The following RIMS2 variants were observed in gnomAD, a reference collection of about 807,000 sequenced individuals.
RIMS2 encodes regulating synaptic membrane exocytosis 2, also known as regulating synaptic membrane exocytosis protein 2.
RIMS2 carries 59 observed loss-of-function variants against 174.4 expected under a neutral mutation model. That is an observed-to-expected ratio of 0.34 (90% CI 0.27 to 0.42). RIMS2 has a LOEUF of 0.42. Among genes scored for constraint, RIMS2 ranks in the 10% least tolerant of loss-of-function variants. The pLI is 1.00. For missense variants in RIMS2, 1,620 were observed against 1,666.3 expected (o/e 0.97, Z 0.48); for synonymous variants, 606 against 572.5 (o/e 1.06, Z -0.84).
rs1825456414 is a variant in RIMS2, at chr8:103,509,576, T to G, written c.176+8514T>G. ...GAAGTTGGTGAAGATTCTGTGCATCTTTATATTAGCTTACTGAATTATTGC... is the reference window on the plus strand; with the variant it reads ...GAAGTTGGTGAAGATTCTGTGCATCGTTATATTAGCTTACTGAATTATTGC... On this transcript the variant is annotated intron_variant, in intron 1 of 23. Coordinates refer to ENST00000504942, the Ensembl canonical transcript of RIMS2. 2.6e-5 allele frequency among the ~76,000 whole-genome samples: 4 copies of G among 152,140 alleles called. 1 individual carries two copies. The South Asian group carries it at 8.3e-4, about 31-fold the overall frequency.
At chr8:103,967,346 A>G (rs2092167746) in intron 15 of RIMS2, among the ~76,000 whole-genome samples, 4 of 150,862 alleles carry the variant, frequency 2.7e-5, no homozygotes, top group Non-Finnish European at 1.5e-5. Context: ...ATGTGCCACT[A>G]CATCTGGCTA....
chr8:103,672,764 T>G (rs2096760732), intron 1 of RIMS2, among the ~76,000 whole-genome samples: 1 of 152,088 alleles, frequency 6.6e-6, no homozygotes, highest in South Asian at 2.1e-4. Context: ...ATTCCATCCC[T>G]TGTCCCTCCC....
intron 15 of RIMS2, among the ~76,000 whole-genome samples, chr8:103,964,058 T>C (rs1158771323): frequency 6.6e-6 from 1 of 152,184 alleles, no homozygotes. Flanking sequence ...CCACAGTTTG[T>C]TTATTGATTC....
intron 19 of RIMS2, among the ~76,000 whole-genome samples, chr8:104,130,078 A>G (rs1418574722): frequency 6.6e-6 from 1 of 152,210 alleles, no homozygotes; most frequent in Non-Finnish European, 1.5e-5. Context: ...TAATTTATTC[A>G]ATAAATTCTT....
chr8:103,544,006 C>T (rs928362266), intron 1 of RIMS2, among the ~76,000 whole-genome samples: 3 of 152,098 alleles, frequency 2.0e-5, no homozygotes, highest in African/African-American at 4.8e-5. Context: ...TTCTGTACAG[C>T]AAAGGAAACA....
chr8:103,950,997 G>A (rs1050063715), intron 14 of RIMS2, among the ~76,000 whole-genome samples: 2 of 152,130 alleles, frequency 1.3e-5, no homozygotes, highest in Non-Finnish European at 2.9e-5. Flanking sequence ...AAAATACAGT[G>A]CCACATCAAA....
At chr8:103,768,115 G>A (rs762964677) in intron 3 of RIMS2, 7 of 296,358 alleles carry the variant, frequency 2.4e-5, no homozygotes, top group Non-Finnish European at 3.9e-5. Context: ...AGTGACTTCA[G>A]AGATCAAGAA....
intron 3 of RIMS2, among the ~76,000 whole-genome samples, chr8:103,870,429 T>C (rs946016703): frequency 1.6e-4 from 25 of 151,722 alleles, no homozygotes; most frequent in African/African-American, 6.1e-4. Flanking sequence ...AAAAAAATTA[T>C]AGCATTCTTT....
At chr8:103,533,018 C>A (rs569542731) in intron 1 of RIMS2, among the ~76,000 whole-genome samples, 1 of 152,218 alleles carries the variant, frequency 6.6e-6, no homozygotes, top group South Asian at 2.1e-4. Context: ...CATTACCAGA[C>A]TAAGCATTGA....
At chr8:103,788,980 G>A (rs555484189) in intron 3 of RIMS2, among the ~76,000 whole-genome samples, 33 of 152,306 alleles carry the variant, frequency 2.2e-4, no homozygotes, top group African/African-American at 7.0e-4. Flanking sequence ...GTGGTGCGCC[G>A]TTTTTTAAGC....
At chr8:103,542,672 C>T (rs1199982394) in intron 1 of RIMS2, among the ~76,000 whole-genome samples, 1 of 152,130 alleles carries the variant, frequency 6.6e-6, no homozygotes, top group South Asian at 2.1e-4. Context: ...GGACCATCCA[C>T]CATGATCAAG....
intron 3 of RIMS2, among the ~76,000 whole-genome samples, chr8:103,815,376 G>T (rs1318550020): frequency 6.6e-6 from 1 of 152,044 alleles, no homozygotes; most frequent in Non-Finnish European, 1.5e-5. Context: ...TTCAAGTGTT[G>T]ATTAGTTTTT....
In RIMS2 at chr8:104,119,374, C is replaced by A. The variant is rs13438855; in HGVS notation, c.3334+104759C>A. 3.0e-3 allele frequency among the ~76,000 whole-genome samples: 456 copies of A among 150,556 alleles called. 2 individuals are homozygous for A. The highest frequency in any genetic ancestry group is 0.01 in the African/African-American group (412 of 40,912). ...GACTCCATCTCAAAAACAAAAAAAACAAAAAAAACCCATAATTTATTGTAC... is the reference window on the plus strand; with the variant it reads ...GACTCCATCTCAAAAACAAAAAAAAAAAAAAAAACCCATAATTTATTGTAC... On this transcript the variant is annotated intron_variant, in intron 19 of 23. Transcript: ENST00000504942.
At chr8:103,754,072 A>G (rs569443134) in intron 2 of RIMS2, among the ~76,000 whole-genome samples, 19 of 152,308 alleles carry the variant, frequency 1.2e-4, no homozygotes, top group African/African-American at 4.1e-4. Flanking sequence ...ATTTAGTGCT[A>G]TAAATTTCCC....
chr8:104,227,578 T>C (rs931880863), intron 19 of RIMS2, among the ~76,000 whole-genome samples: 1 of 152,194 alleles, frequency 6.6e-6, no homozygotes, highest in Non-Finnish European at 1.5e-5. Context: ...CAAATGATTA[T>C]GGCCCTATAA....
At chr8:104,208,338 G>T (rs2099090088) in intron 19 of RIMS2, among the ~76,000 whole-genome samples, 2 of 152,086 alleles carry the variant, frequency 1.3e-5, no homozygotes, top group Non-Finnish European at 2.9e-5. Flanking sequence ...GAGGCCGAGG[G>T]GGGCAGATCA....
At chr8:104,182,293 G>T (rs977114298) in intron 19 of RIMS2, among the ~76,000 whole-genome samples, 1 of 151,566 alleles carries the variant, frequency 6.6e-6, no homozygotes, top group Non-Finnish European at 1.5e-5. Context: ...AATCTGTCAC[G>T]GAAATATAAT....
exon 18 of RIMS2, chr8:104,013,539 G>A: frequency 2.5e-6 from 4 of 1,613,822 alleles, no homozygotes; most frequent in Non-Finnish European, 3.4e-6. Flanking sequence ...CAGATCCACT[G>A]AACGTCCTGA....
At chr8:103,787,554 A>G (rs1205937935) in intron 3 of RIMS2, among the ~76,000 whole-genome samples, 1 of 151,956 alleles carries the variant, frequency 6.6e-6, no homozygotes, top group African/African-American at 2.4e-5. Flanking sequence ...TGGATATGAA[A>G]TTCTGGGTTG....
Sources: gnomAD v4.1 joint callset for allele counts (sites outside exome capture counted in the v4.1 genomes callset) on GRCh38, gnomAD v4.1.1 for gene constraint, MANE v1.5 for transcripts, NCBI Gene and HGNC (gene_info 2026-07-23, HGNC 2026-07-21) for gene names.